Variants in GZMM observed in about 807,000 individuals in gnomAD.
GZMM encodes granzyme M.
Under a neutral mutation model 19.2 loss-of-function variants are expected in GZMM, and 23 were observed. The ratio of observed to expected loss-of-function variants is 1.20; its 90% confidence interval spans 0.86 to 1.69. The LOEUF is 1.69. GZMM is among the 40% of genes most tolerant of loss of function. GZMM has a pLI of 0.00. For synonymous variants in GZMM, 178 were observed against 160.2 expected (o/e 1.11, Z -0.84); for missense variants, 373 against 352.2 (o/e 1.06, Z -0.47).
At position 549,913 on chromosome 19, in the gene GZMM, A is replaced by C; in HGVS notation, c.*122A>C. On this transcript the variant is annotated 3_prime_UTR_variant, in exon 5 of 5. Coordinates refer to ENST00000264553, the MANE Select transcript of GZMM (RefSeq NM_005317.4). ...AGGGACCAATAAATCATAATGAAGA[A>C]ACGCTCAGAGCCCGCCTGAGTCCCA... 1.3e-6 allele frequency: 1 copy of C among 767,362 alleles called. No homozygotes were observed. Among genetic ancestry groups the C allele is most frequent in the South Asian group, 1.8e-5 (1 of 56,252 alleles). The allele number at this position is 767,362 out of a possible 1,614,324, so 47.5% of individuals were successfully genotyped here.
Position 549,022 on chromosome 19 carries a change from G to A in GZMM, c.449G>A (p.Trp150Ter). The change falls in exon 4 of 5, where the codon TGG becomes TAG. Residue 150 changes from tryptophan (W) to a stop codon, truncating the protein, a stop_gained. Coordinates refer to ENST00000264553, the MANE Select transcript of GZMM (RefSeq NM_005317.4). LOFTEE classifies it high-confidence loss of function. ...AAGTRCSMAG[W>*]GLTHQGGRLS... is the part of the protein sequence containing the mutation. ...GGGACTCGGTGCAGCATGGCCGGCT[G>A]GGGGCTGACCCACCAGGGCGGGCGC... 7 of 1,602,560 alleles carry A rather than the reference G, an allele frequency of 4.4e-6. No individual in the cohort carries two copies. The highest frequency in any genetic ancestry group is 6.0e-6 in the Non-Finnish European group (7 of 1,176,142).
In GZMM at chr19:547,270, A is replaced by T; in HGVS notation, c.56-10A>T. The T allele has an allele frequency of 6.7e-7, 1 of 1,500,300 alleles. No individual in the cohort carries two copies. Among genetic ancestry groups the T allele is most frequent in the Middle Eastern group, 1.8e-4 (1 of 5,612 alleles). 92.9% of individuals were successfully genotyped at this position (1,500,300 alleles called of 1,614,324 possible). On this transcript the variant is annotated splice_polypyrimidine_tract_variant and intron_variant, in intron 1 of 4. Coordinates refer to ENST00000264553, the MANE Select transcript of GZMM (RefSeq NM_005317.4). ...GCCCCAACCTGGCTCTTTGTCCCCC[A>T]TCCTGGCAGGCAGCTCCTTTGGGAC...
Position 544,115 on chromosome 19 carries a change from C to T in GZMM, c.44C>T (p.Ala15Val). ...TCACTGCTGGTGCTGGCCCTGGGGG[C>T]CCTGTCAGTAGGTGAGTGGGAGCCG... ...VSSLLVLALG[A>V]LSVGSSFGTQ... The change falls in exon 1 of 5, where the codon GCC (alanine) becomes GTC (valine). Residue 15 changes from alanine to valine, a missense_variant. Physicochemically the swap from Ala to Val is moderately conservative, Grantham distance 64. Transcript: ENST00000264553. 1 of 1,545,212 alleles carries T rather than the reference C, an allele frequency of 6.5e-7. No homozygotes were observed. Among genetic ancestry groups the T allele is most frequent in the Admixed American group, 2.0e-5 (1 of 50,908 alleles).
chr19:547,433 A>T lies in GZMM; in HGVS notation c.209A>T (p.Gln70Leu). The change falls in exon 2 of 5, where the codon CAG (glutamine) becomes CTG (leucine). Residue 70 changes from glutamine to leucine, a missense_variant. By Grantham distance (113) the Gln-to-Leu change is moderately radical. Coordinates refer to ENST00000264553, the MANE Select transcript of GZMM (RefSeq NM_005317.4). ...WVLTAAHCLA[Q>L]RMAQLRLVLG... is the part of the protein sequence containing the mutation. ...CTGACGGCTGCCCACTGCCTGGCCCAGCGGTGAGTACCCTGCCCTGCCCAC... is the reference window on the plus strand; with the variant it reads ...CTGACGGCTGCCCACTGCCTGGCCCTGCGGTGAGTACCCTGCCCTGCCCAC... 1 of 1,453,510 alleles carries T rather than the reference A, an allele frequency of 6.9e-7. No homozygotes were observed. Among genetic ancestry groups the T allele is most frequent in the African/African-American group, 1.4e-5 (1 of 69,006 alleles). The allele number at this position is 1,453,510 out of a possible 1,614,324, so 90.0% of individuals were successfully genotyped here.
Position 548,665 on chromosome 19 carries a change from C to G in GZMM, c.336C>G (p.Leu112=). The G allele has an allele frequency of 6.2e-7, 1 of 1,613,012 alleles. No homozygotes were observed. The highest frequency in any genetic ancestry group is 1.1e-5 in the South Asian group (1 of 91,070). The stretch of plus-strand genomic sequence containing the variant: ...CCGTCCCTGCCCTGGAGAACGACCT[C>G]GCGCTGCTTCAGGTGTGCAGGGACG... The part of the protein sequence containing the change: ...YKPVPALEND[L]ALLQLDGKVK... Residue 112 remains leucine (L), a synonymous_variant, in exon 3 of 5, where the codon CTC becomes CTG. Coordinates refer to ENST00000264553, the MANE Select transcript of GZMM (RefSeq NM_005317.4).
intron 1 of GZMM, 64 bp from the exon 2 acceptor site, chr19:547,216 A>T: frequency 7.1e-7 from 1 of 1,399,850 alleles, no homozygotes; most frequent in Non-Finnish European, 9.4e-7. Flanking sequence ...CTGGGCAAGG[A>T]CAGTCGCAGC....
Position 548,968 on chromosome 19 carries a change from T to G in GZMM, c.395T>G (p.Leu132Arg), listed in dbSNP as rs1980403601. ...AGCCGGACCATCCGGCCGTTGGCCCTGCCCAGTAAGCGCCAGGTGGTGGCA... is the reference window on the plus strand; with the variant it reads ...AGCCGGACCATCCGGCCGTTGGCCCGGCCCAGTAAGCGCCAGGTGGTGGCA... ...KPSRTIRPLA[L>R]PSKRQVVAAG... Residue 132 changes from leucine to arginine, a missense_variant, in exon 4 of 5, where the codon CTG becomes CGG. Transcript: ENST00000264553. 1 of 1,594,440 alleles carries G rather than the reference T, an allele frequency of 6.3e-7. No homozygotes were observed. Among genetic ancestry groups the G allele is most frequent in the Non-Finnish European group, 8.5e-7 (1 of 1,169,708 alleles).
In GZMM at chr19:548,630, C is replaced by T. The variant is rs77680573; in HGVS notation, c.301C>T (p.Arg101Cys). Residue 101 changes from arginine (R) to cysteine (C), a missense_variant, in exon 3 of 5, where the codon CGC becomes TGC. Transcript: ENST00000264553. ...FHIKAAIQHPRYKPVPALEND... is the reference protein window; with the variant it reads ...FHIKAAIQHPCYKPVPALEND... ...CATCAAGGCAGCCATCCAGCACCCT[C>T]GCTACAAGCCCGTCCCTGCCCTGGA... 14 of 1,613,524 alleles carry T rather than the reference C, an allele frequency of 8.7e-6. No homozygotes were observed. Among genetic ancestry groups the T allele is most frequent in the South Asian group, 2.2e-5 (2 of 91,090 alleles).
chr19:546,572 G>A (rs1980290564), intron 1 of GZMM, among the ~76,000 whole-genome samples: 1 of 150,742 alleles, frequency 6.6e-6, no homozygotes, highest in African/African-American at 2.4e-5. Flanking sequence ...AGGTGCAGTG[G>A]CTCATACCTG....
At chr19:546,975 A>G (rs1023795378) in intron 1 of GZMM, among the ~76,000 whole-genome samples, 30 of 151,732 alleles carry the variant, frequency 2.0e-4, no homozygotes, top group Non-Finnish European at 1.8e-4. Flanking sequence ...TGAGCCACCC[A>G]CATCCGGCCT....
In GZMM at chr19:548,871, C is replaced by T. The variant is rs188830254; in HGVS notation, c.349-51C>T. 1.5e-3 allele frequency: 1,706 copies of T among 1,150,422 alleles called. 30 individuals are homozygous for T. In the African/African-American group the frequency reaches 0.025, roughly 17 times the overall value. The allele number at this position is 1,150,422 out of a possible 1,614,324, so 71.3% of individuals were successfully genotyped here. A position where few individuals can be genotyped will look rare whatever the true frequency, so the allele number is the denominator to read the frequency against. ...TCCCCCCGCTGCCGCCCCCCGCCCC[C>T]GCACTCTCACCCCCTCCCCCTGCTC... On this transcript the variant is annotated intron_variant, in intron 3 of 4. Transcript: ENST00000264553.
rs763165742 is a variant in GZMM at position 548,913 on chromosome 19, C to T, written c.349-9C>T. 1.8e-5 allele frequency: 28 copies of T among 1,528,528 alleles called. No homozygotes were observed. Among genetic ancestry groups the T allele is most frequent in the Non-Finnish European group, 2.4e-5 (27 of 1,133,094 alleles). The allele number at this position is 1,528,528 out of a possible 1,614,324, so 94.7% of individuals were successfully genotyped here. A position where few individuals can be genotyped will look rare whatever the true frequency, so the allele number is the denominator to read the frequency against. On this transcript the variant is annotated splice_polypyrimidine_tract_variant and intron_variant, in intron 3 of 4. Coordinates refer to ENST00000264553, the MANE Select transcript of GZMM (RefSeq NM_005317.4). Reference sequence around the variant, plus strand: ...CCCCTGCTCACCTGCCCCTTCCTGTCACTCGTAGCTGGACGGGAAAGTGAA... The same window carrying T: ...CCCCTGCTCACCTGCCCCTTCCTGTTACTCGTAGCTGGACGGGAAAGTGAA...
At chr19:546,217 T>G (rs1275322702) in intron 1 of GZMM, among the ~76,000 whole-genome samples, 3 of 152,220 alleles carry the variant, frequency 2.0e-5, no homozygotes, top group African/African-American at 7.2e-5. Flanking sequence ...ATTAGGAAAT[T>G]ATGCACTATA....
At chr19:544,864 TC>T (rs1488860763) in intron 1 of GZMM, among the ~76,000 whole-genome samples, 4 of 132,992 alleles carry the variant, frequency 3.0e-5, no homozygotes, top group African/African-American at 1.2e-4. Flanking sequence ...CTCCTTTCGT[TC>T]CCCCTTCCTT....
Position 549,886 on chromosome 19 carries a change from G to C in GZMM, c.*95G>C, listed in dbSNP as rs1600445154. ...GGGTGAGGACGGGTGGGAGGGACAG[G>C]GAGGGACCAATAAATCATAATGAAG... is the stretch of plus-strand genomic sequence containing the variant. On this transcript the variant is annotated 3_prime_UTR_variant, in exon 5 of 5. Transcript: ENST00000264553. 3.8e-6 allele frequency: 3 copies of C among 794,016 alleles called. No homozygotes were observed. The East Asian group carries it at 7.9e-5, about 21-fold the overall frequency. 49.2% of individuals were successfully genotyped at this position (794,016 alleles called of 1,614,324 possible).
intron 2 of GZMM, 47 bp from the exon 3 acceptor site, chr19:548,495 G>T (rs201024039): frequency 1.5e-5 from 24 of 1,597,080 alleles, no homozygotes; most frequent in Non-Finnish European, 1.8e-5. Flanking sequence ...GTGGCGGGTC[G>T]TCCACGCCGG....
rs368042562 is a variant in GZMM, at chr19:547,338, G to A, written c.114G>A (p.Pro38=). The A allele has an allele frequency of 4.8e-5, 76 of 1,578,858 alleles. No individual in the cohort carries two copies. The highest frequency in any genetic ancestry group is 2.9e-4 in the Admixed American group (16 of 55,612). ...GGGAGGTGATCCCCCACTCGCGCCC[G>A]TACATGGCCTCACTGCAGAGAAATG... The part of the protein sequence containing the change: ...GGREVIPHSR[P]YMASLQRNGS... The change falls in exon 2 of 5, where the codon CCG becomes CCA. Residue 38 remains proline (P), a synonymous_variant. Transcript: ENST00000264553.
Position 549,852 on chromosome 19 carries a change from C to A in GZMM, c.*61C>A. ...ACAGGACCCTTCCCCTCCAGGGGTG[C>A]AGTGGGGTGGGTGAGGACGGGTGGG... On this transcript the variant is annotated 3_prime_UTR_variant, in exon 5 of 5. Coordinates refer to ENST00000264553, the MANE Select transcript of GZMM (RefSeq NM_005317.4). The A allele has an allele frequency of 3.6e-6, 3 of 835,990 alleles. No individual in the cohort carries two copies. Among genetic ancestry groups the A allele is most frequent in the Non-Finnish European group, 5.5e-6 (3 of 540,918 alleles). 51.8% of individuals were successfully genotyped at this position (835,990 alleles called of 1,614,324 possible).
chr19:545,488 C>G (rs556054727), intron 1 of GZMM, among the ~76,000 whole-genome samples: 1 of 152,214 alleles, frequency 6.6e-6, no homozygotes, highest in South Asian at 2.1e-4. Context: ...GCTGGGATTA[C>G]AGGCGCCTGC....
Sources: gnomAD v4.1 joint callset for allele counts (sites outside exome capture counted in the v4.1 genomes callset) on GRCh38, gnomAD v4.1.1 for gene constraint, MANE v1.5 for transcripts, NCBI Gene and HGNC (gene_info 2026-07-23, HGNC 2026-07-21) for gene names.